CSMD1: variants seen among roughly 807,000 people sequenced by gnomAD.
CSMD1 encodes the protein CUB and Sushi multiple domains 1, also known as CUB and sushi domain-containing protein 1.
In CSMD1, 213 loss-of-function variants were observed where a neutral mutation model predicts 417.5. The observed-to-expected ratio is 0.51, with a 90% confidence interval of 0.46 to 0.57. The LOEUF (loss-of-function observed/expected upper bound fraction) is 0.57. CSMD1 is among the 20% of genes least tolerant of loss of function. The pLI is 0.00. For missense variants in CSMD1, 6,923 were observed against 4,529.7 expected (o/e 1.53, Z -15.17); for synonymous variants, 2,862 against 1,736.8 (o/e 1.65, Z -16.11).
intron 2 of CSMD1, among the ~76,000 whole-genome samples, chr8:4,516,699 C>A (rs779168994): frequency 6.6e-6 from 1 of 152,150 alleles, no homozygotes; most frequent in Non-Finnish European, 1.5e-5. Flanking sequence ...TCCTCCAACC[C>A]CTACACACTG....
chr8:4,301,241 G>C (rs922970007), intron 3 of CSMD1, among the ~76,000 whole-genome samples: 1 of 152,122 alleles, frequency 6.6e-6, no homozygotes, highest in Non-Finnish European at 1.5e-5. Context: ...CTCATAATAA[G>C]CCAACATCAT....
intron 25 of CSMD1, among the ~76,000 whole-genome samples, chr8:3,307,198 A>G (rs916053977): frequency 2.6e-5 from 4 of 152,106 alleles, no homozygotes; most frequent in African/African-American, 9.7e-5. Context: ...AGCAAGTGTA[A>G]TGTAAGCACA....
At chr8:4,046,656 A>C (rs79943222) in intron 3 of CSMD1, among the ~76,000 whole-genome samples, 6,234 of 152,238 alleles carry the variant, frequency 0.041, 381 homozygotes, top group African/African-American at 0.13. Flanking sequence ...TGCAGATAGG[A>C]TATACACTGG....
chr8:3,881,322 C>G (rs1338945533), intron 5 of CSMD1, among the ~76,000 whole-genome samples: 1 of 149,782 alleles, frequency 6.7e-6, no homozygotes, highest in Non-Finnish European at 1.5e-5. Flanking sequence ...GCAAAGAAGA[C>G]TGAATATATA....
chr8:4,100,203 T>G (rs1242338479), intron 3 of CSMD1, among the ~76,000 whole-genome samples: 1 of 152,148 alleles, frequency 6.6e-6, no homozygotes, highest in Non-Finnish European at 1.5e-5. Context: ...AGGGTGAGGA[T>G]TAAATGAGAT....
rs149907921 is a variant in CSMD1, at chr8:4,830,975, C to T, written c.85+163357G>A. Among the ~76,000 whole-genome samples the T allele has an allele frequency of 5.6e-3, 847 of 152,258 alleles. 6 individuals are homozygous for T. Among genetic ancestry groups the T allele is most frequent in the African/African-American group, 0.018 (737 of 41,532 alleles). ...CCTGAAGAAAAAGGTAGCTAATCAACGAGGCATTTAGAGGCCCTTCATTTT... is the reference window on the plus strand; with the variant it reads ...CCTGAAGAAAAAGGTAGCTAATCAATGAGGCATTTAGAGGCCCTTCATTTT... On this transcript the variant is annotated intron_variant, in intron 1 of 69. Transcript: ENST00000635120.
At chr8:4,736,835 G>A (rs975134661) in intron 1 of CSMD1, among the ~76,000 whole-genome samples, 4 of 152,084 alleles carry the variant, frequency 2.6e-5, no homozygotes, top group African/African-American at 4.8e-5. Context: ...CTGATTTGTG[G>A]GGTAAGAAAA....
At chr8:4,346,473 T>C (rs761360339) in intron 3 of CSMD1, among the ~76,000 whole-genome samples, 1 of 152,242 alleles carries the variant, frequency 6.6e-6, no homozygotes, top group Non-Finnish European at 1.5e-5. Flanking sequence ...CTTGATATAA[T>C]CCATCCCTGC....
At chr8:4,562,100 A>T (rs1798369222) in intron 2 of CSMD1, among the ~76,000 whole-genome samples, 1 of 152,238 alleles carries the variant, frequency 6.6e-6, no homozygotes, top group Non-Finnish European at 1.5e-5. Flanking sequence ...ATGTTCCCTG[A>T]TAGAGGAGGG....
intron 10 of CSMD1, among the ~76,000 whole-genome samples, chr8:3,542,104 A>C (rs1563137192): frequency 6.6e-6 from 1 of 152,206 alleles, no homozygotes; most frequent in Admixed American, 6.5e-5. Flanking sequence ...GTCTTTAAAA[A>C]ATTCAACAGA....
At chr8:3,229,986 G>A (rs1053348301) in intron 27 of CSMD1, 54 bp downstream of exon 27, 6 of 1,268,576 alleles carry the variant, frequency 4.7e-6, no homozygotes, top group South Asian at 1.9e-5. Flanking sequence ...CGCTTTTAAC[G>A]ACAACATGCA....
chr8:3,740,483 C>T (rs1382942823), intron 6 of CSMD1, among the ~76,000 whole-genome samples: 1 of 152,182 alleles, frequency 6.6e-6, no homozygotes, highest in African/African-American at 2.4e-5. Context: ...AGCCATCCTT[C>T]TGCGGTAAAA....
rs751009075 is a variant in CSMD1, at chr8:3,087,289, T to TGGGC, written c.7286-8_7286-5dup. On this transcript the variant is annotated splice_region_variant and splice_polypyrimidine_tract_variant and intron_variant, in intron 48 of 69. Transcript: ENST00000635120. ...TGGGTCAAACTGCAGTAAGGTGCTG[T>TGGGC]GGGCAGACAGACACACACAGAAATA... is the stretch of plus-strand genomic sequence containing the variant. 1 of 1,612,934 alleles carries TGGGC rather than the reference T, an allele frequency of 6.2e-7. No individual in the cohort carries two copies. Among genetic ancestry groups the TGGGC allele is most frequent in the South Asian group, 1.1e-5 (1 of 91,044 alleles).
intron 3 of CSMD1, among the ~76,000 whole-genome samples, chr8:4,405,324 AT>A (rs891934007): frequency 1.6e-3 from 232 of 144,070 alleles, no homozygotes; most frequent in African/African-American, 5.6e-3. Context: ...TTTTTTTCTC[AT>A]TTTTTTTTTC....
intron 7 of CSMD1, among the ~76,000 whole-genome samples, chr8:3,617,871 T>C (rs78210588): frequency 0.025 from 3,861 of 152,288 alleles, 71 homozygotes; most frequent in Middle Eastern, 0.075. Flanking sequence ...GGTATACATA[T>C]AAATATACAT....
chr8:4,068,731 G>C (rs1242976414), intron 3 of CSMD1, among the ~76,000 whole-genome samples: 1 of 152,146 alleles, frequency 6.6e-6, no homozygotes, highest in East Asian at 1.9e-4. Context: ...AACTATGCCT[G>C]CGCTGTGTAT....
At chr8:4,924,583 G>C (rs1806723596) in intron 1 of CSMD1, among the ~76,000 whole-genome samples, 1 of 151,934 alleles carries the variant, frequency 6.6e-6, no homozygotes, top group East Asian at 1.9e-4. Context: ...TTAGCCTGGT[G>C]TGGTGGCCCG....
intron 25 of CSMD1, among the ~76,000 whole-genome samples, chr8:3,307,113 A>G (rs1377586712): frequency 2.6e-5 from 4 of 152,192 alleles, no homozygotes; most frequent in Non-Finnish European, 5.9e-5. Context: ...TCCTATTAAA[A>G]GAACAGTAGA....
intron 21 of CSMD1, among the ~76,000 whole-genome samples, chr8:3,355,266 C>A (rs1470538386): frequency 1.3e-5 from 2 of 151,726 alleles, no homozygotes; most frequent in Admixed American, 6.6e-5. Flanking sequence ...CCTTTAACAC[C>A]CTGAGAAAAT....
Sources: allele counts gnomAD v4.1 joint callset (sites outside exome capture counted in the v4.1 genomes callset), GRCh38; gene constraint gnomAD v4.1.1; transcripts MANE v1.5; gene names NCBI Gene and HGNC (gene_info 2026-07-23, HGNC 2026-07-21).